Variants in SVEP1 observed in about 807,000 individuals in gnomAD.
The protein encoded by SVEP1 is sushi, von Willebrand factor type A, EGF and pentraxin domain containing 1.
Under a neutral mutation model 367.3 loss-of-function variants are expected in SVEP1, and 164 were observed. The observed-to-expected ratio is 0.45, with a 90% CI of 0.39 to 0.51. The LOEUF (loss-of-function observed/expected upper bound fraction) is 0.51, where lower values mean the gene tolerates loss of function less well. Among genes scored for constraint, SVEP1 ranks in the 20% least tolerant of loss-of-function variants. The pLI is 0.00. For missense variants in SVEP1, 4,117 were observed against 4,425.3 expected, an observed-to-expected ratio of 0.93 and a Z score of 1.98; for synonymous variants, 1,666 against 1,611.6, an observed-to-expected ratio of 1.03 and a Z score of -0.81.
intron 46 of SVEP1, among the ~76,000 whole-genome samples, chr9:110,371,306 T>C (rs1355377328): frequency 6.6e-6 from 1 of 152,212 alleles, no homozygotes. Flanking sequence ...AGTGCCTGAC[T>C]GCACTAACAA....
chr9:110,470,453 G>C (rs747575119), intron 16 of SVEP1, among the ~76,000 whole-genome samples: 4 of 151,902 alleles, frequency 2.6e-5, no homozygotes, highest in Admixed American at 1.3e-4. Flanking sequence ...TTATTTTTGA[G>C]AGAGTATCTC....
At chr9:110,423,184 G>GAAAAAAAAAAAAAAAGA (rs1404736217) in intron 36 of SVEP1, among the ~76,000 whole-genome samples, 2 of 91,026 alleles carry the variant, frequency 2.2e-5, no homozygotes, top group South Asian at 3.4e-4. Context: ...AAAAAAAAAA[G>GAAAAAAAAAAAAAAAGA]AAAAAAAAAA....
intron 14 of SVEP1, among the ~76,000 whole-genome samples, chr9:110,475,679 G>A (rs978542031): frequency 1.3e-5 from 2 of 151,980 alleles, no homozygotes; most frequent in Non-Finnish European, 2.9e-5. Flanking sequence ...GGGACTACAG[G>A]TGTGTGCCAC....
chr9:110,410,936 T>G (rs186528583), intron 37 of SVEP1, 127 bp downstream of exon 37: 2 of 701,066 alleles, frequency 2.9e-6, no homozygotes, highest in African/African-American at 3.6e-5. Flanking sequence ...TTAGTGATAA[T>G]AGTAAATTCC....
chr9:110,518,507 T>C (rs1180439196), intron 3 of SVEP1, among the ~76,000 whole-genome samples: 1 of 152,028 alleles, frequency 6.6e-6, no homozygotes. Flanking sequence ...GTAGACACCA[T>C]CTTGCTCTTT....
intron 40 of SVEP1, among the ~76,000 whole-genome samples, chr9:110,399,006 A>T (rs1486577725): frequency 6.6e-6 from 1 of 152,210 alleles, no homozygotes; most frequent in Admixed American, 6.5e-5. Context: ...TATATACCCA[A>T]AGGATTATAA....
chr9:110,495,314 C>G (rs1250709205), intron 8 of SVEP1, among the ~76,000 whole-genome samples: 1 of 152,104 alleles, frequency 6.6e-6, no homozygotes, highest in Admixed American at 6.6e-5. Flanking sequence ...AGGGACTTAG[C>G]AGACACGACT....
chr9:110,516,844 T>C (rs1431346184), intron 3 of SVEP1, among the ~76,000 whole-genome samples: 4 of 152,174 alleles, frequency 2.6e-5, no homozygotes, highest in African/African-American at 9.7e-5. Flanking sequence ...ATGATATTAA[T>C]GCAGAGATAT....
Position 110,483,576 on chromosome 9 carries a change from G to A in SVEP1, c.2038+10C>T, listed in dbSNP as rs770959659. 10 of 1,595,908 alleles carry A rather than the reference G, an allele frequency of 6.3e-6. No homozygotes were observed. The African/African-American group carries it at 1.2e-4, about 19-fold the overall frequency. On this transcript the variant is annotated intron_variant, in intron 10 of 47. Coordinates refer to ENST00000374469, the MANE Select transcript of SVEP1 (RefSeq NM_153366.4). ...CTACTATGCTGACAACAAAGTCCTT[G>A]TCACCTCACCTGAGTTGTCTGAGAA... is the stretch of plus-strand genomic sequence containing the variant.
intron 27 of SVEP1, among the ~76,000 whole-genome samples, chr9:110,440,934 GAGTT>G (rs72193956): frequency 0.12 from 18,412 of 152,228 alleles, 1,523 homozygotes; most frequent in South Asian, 0.23. Context: ...TAAATTAAAA[GAGTT>G]AGGCCATAGG....
chr9:110,511,343 A>G (rs1463935288), intron 5 of SVEP1, among the ~76,000 whole-genome samples: 1 of 151,728 alleles, frequency 6.6e-6, no homozygotes, highest in African/African-American at 2.4e-5. Flanking sequence ...AAAAGAGTCT[A>G]TTTCCTGTGA....
intron 27 of SVEP1, among the ~76,000 whole-genome samples, chr9:110,438,306 C>T (rs941702415): frequency 1.3e-5 from 2 of 151,444 alleles, no homozygotes. Context: ...CACGCCTCAG[C>T]CTCCCAAATA....
chr9:110,451,512 G>C (rs1187004703), intron 22 of SVEP1, 110 bp from the exon 23 acceptor site: 19 of 666,092 alleles, frequency 2.9e-5, no homozygotes, highest in Non-Finnish European at 4.5e-5. Context: ...GGAAATCATG[G>C]CTAACATGTT....
chr9:110,488,746 T>C (rs1483707370), intron 9 of SVEP1, among the ~76,000 whole-genome samples: 2 of 151,848 alleles, frequency 1.3e-5, no homozygotes, highest in Admixed American at 6.6e-5. Context: ...TGGTGGCACA[T>C]GCCTGTAGTC....
intron 3 of SVEP1, 23 bp from the exon 4 acceptor site, chr9:110,514,129 A>G (rs750683636): frequency 1.1e-5 from 18 of 1,601,140 alleles, no homozygotes; most frequent in African/African-American, 1.3e-5. Flanking sequence ...AAGCCGGAGA[A>G]GTCCATGTTA....
In SVEP1 at chr9:110,485,732, T is replaced by C. The variant is rs1260214197; in HGVS notation, c.1931-2039A>G. Among the ~76,000 whole-genome samples, 4 of 152,296 alleles carry C rather than the reference T, an allele frequency of 2.6e-5. No individual in the cohort carries two copies. In the East Asian group the frequency reaches 7.7e-4, roughly 29 times the overall value. On this transcript the variant is annotated intron_variant, in intron 9 of 47. Transcript: ENST00000374469. ...TTTTTCTGATTTTGTAGGTGAGGAA[T>C]GTTAGTTAGACAAGGCAAACTTAAG...
chr9:110,446,613 T>C (rs1828604200), intron 25 of SVEP1, among the ~76,000 whole-genome samples: 1 of 152,242 alleles, frequency 6.6e-6, no homozygotes. Flanking sequence ...AAGCGGCTTA[T>C]CAAAGTATCA....
At chr9:110,469,758 A>G (rs1828988144) in intron 16 of SVEP1, among the ~76,000 whole-genome samples, 1 of 152,146 alleles carries the variant, frequency 6.6e-6, no homozygotes, top group East Asian at 1.9e-4. Flanking sequence ...CAAGACCCCA[A>G]CTCCAAATGC....
intron 9 of SVEP1, among the ~76,000 whole-genome samples, chr9:110,486,086 A>G (rs1257511986): frequency 6.6e-6 from 1 of 152,100 alleles, no homozygotes; most frequent in Non-Finnish European, 1.5e-5. Context: ...ATAGCACAGC[A>G]TCTGGCCTAT....
Sources: gnomAD v4.1 joint callset for allele counts (sites outside exome capture counted in the v4.1 genomes callset) on GRCh38, gnomAD v4.1.1 for gene constraint, MANE v1.5 for transcripts, NCBI Gene and HGNC (gene_info 2026-07-23, HGNC 2026-07-21) for gene names.